Variants in TMEM114 observed in about 807,000 individuals in gnomAD.
TMEM114 encodes claudin-26.
Under a neutral mutation model 6.2 loss-of-function variants are expected in TMEM114, and 6 were observed. That is an observed-to-expected ratio of 0.97 (90% CI 0.53 to 1.91). The LOEUF (loss-of-function observed/expected upper bound fraction) is 1.91, where lower values mean the gene tolerates loss of function less well. Ranked by LOEUF, TMEM114 falls within the 40% of genes most tolerant of loss-of-function variation. The probability of loss-of-function intolerance (pLI) is 0.01; values close to 1 mark genes in which losing one functional copy is unlikely to be tolerated. For synonymous variants in TMEM114, 104 were observed against 73.0 expected (o/e 1.42, Z -2.16); for missense variants, 218 against 158.3 (o/e 1.38, Z -2.02).
the TMEM114 span, among the ~76,000 whole-genome samples, chr16:8,532,259 A>T: frequency 6.6e-6 from 1 of 152,226 alleles, no homozygotes; most frequent in East Asian, 1.9e-4. Context: ...CGTAACTCCT[A>T]GAGTCAAAAG....
intron 2 of TMEM114, among the ~76,000 whole-genome samples, chr16:8,572,699 G>A (rs1024845831): frequency 3.3e-5 from 5 of 152,224 alleles, no homozygotes; most frequent in African/African-American, 1.2e-4. Context: ...GCCTCCCAAA[G>A]TGCTGGCATT....
intron 2 of TMEM114, among the ~76,000 whole-genome samples, chr16:8,564,097 A>G (rs537189733): frequency 2.0e-5 from 3 of 149,974 alleles, no homozygotes; most frequent in Non-Finnish European, 4.4e-5. Flanking sequence ...GAGTGAGTGA[A>G]TGAGTGAGGA....
chr16:8,582,065 C>A (rs1902170647), intron 2 of TMEM114, among the ~76,000 whole-genome samples: 1 of 152,224 alleles, frequency 6.6e-6, no homozygotes, highest in Non-Finnish European at 1.5e-5. Flanking sequence ...TTGTCCATGT[C>A]ACTGCAACAG....
downstream of TMEM114, among the ~76,000 whole-genome samples, chr16:8,565,059 G>T (rs1388126875): frequency 6.6e-6 from 1 of 151,430 alleles, no homozygotes; most frequent in Non-Finnish European, 1.5e-5. Context: ...GTGAGTGAGT[G>T]AGTGAATGAG....
At chr16:8,528,581 G>A in the TMEM114 span, among the ~76,000 whole-genome samples, 1 of 152,172 alleles carries the variant, frequency 6.6e-6, no homozygotes, top group East Asian at 1.9e-4. Flanking sequence ...AGATCAGAGT[G>A]AATGACTCTC....
intron 2 of TMEM114, among the ~76,000 whole-genome samples, chr16:8,543,633 A>C (rs1220203541): frequency 6.6e-6 from 1 of 151,884 alleles, no homozygotes; most frequent in African/African-American, 2.4e-5. Context: ...TTCCTTTCTC[A>C]ATGACAGCCA....
intron 2 of TMEM114, among the ~76,000 whole-genome samples, chr16:8,538,727 C>T (rs961949782): frequency 6.6e-6 from 1 of 151,686 alleles, no homozygotes; most frequent in Non-Finnish European, 1.5e-5. Flanking sequence ...AGGATGGTGT[C>T]GATCTCCTGA....
Position 8,554,654 on chromosome 16 carries a change from G to C in TMEM114, n.213-16828C>G, listed in dbSNP as rs1900950800. Among the ~76,000 whole-genome samples the C allele has an allele frequency of 2.7e-5, 4 of 150,016 alleles. No individual in the cohort carries two copies. The South Asian group carries it at 8.7e-4, about 32-fold the overall frequency. On this transcript the variant is annotated intron_variant and non_coding_transcript_variant, in intron 2 of 2. Coordinates refer to the TMEM114 transcript ENST00000623677. ...ATTTGCTGAATGTAAGAATGATGGA[G>C]TTAATTAAGCCCAAGGAGTGAGGCC...
chr16:8,568,093 C>T (rs1490165096), downstream of TMEM114, among the ~76,000 whole-genome samples: 5 of 152,142 alleles, frequency 3.3e-5, no homozygotes, highest in Non-Finnish European at 5.9e-5. Context: ...CTCCCAGTTG[C>T]GTCCCTTTCT....
intron 2 of TMEM114, among the ~76,000 whole-genome samples, chr16:8,561,014 T>C (rs983671052): frequency 3.9e-5 from 6 of 152,182 alleles, no homozygotes; most frequent in African/African-American, 4.8e-5. Context: ...GAGGGAAACC[T>C]CTTAAAAACC....
intron 2 of TMEM114, among the ~76,000 whole-genome samples, chr16:8,548,863 G>C (rs936843352): frequency 2.6e-5 from 4 of 152,140 alleles, no homozygotes; most frequent in African/African-American, 9.7e-5. Context: ...GTGAGAGAGA[G>C]AGATCCAGTT....
intron 2 of TMEM114, among the ~76,000 whole-genome samples, chr16:8,555,937 G>C (rs1031102084): frequency 7.2e-5 from 11 of 152,160 alleles, no homozygotes; most frequent in African/African-American, 2.4e-4. Flanking sequence ...CTGCCTCTTG[G>C]ACGTGTCCAT....
In TMEM114 at chr16:8,569,649, A is replaced by G; in HGVS notation, c.*124T>C. 1 of 1,439,722 alleles carries G rather than the reference A, an allele frequency of 6.9e-7. No individual in the cohort carries two copies. Among genetic ancestry groups the G allele is most frequent in the East Asian group, 2.5e-5 (1 of 40,006 alleles). The allele number at this position is 1,439,722 out of a possible 1,614,324, so 89.2% of individuals were successfully genotyped here. On this transcript the variant is annotated 3_prime_UTR_variant, in exon 4 of 4. Transcript: ENST00000620492. The stretch of plus-strand genomic sequence containing the variant: ...TTAGTCCGCGGGGATTTGTGGGGGA[A>G]GGAGGGGGGTGCCTGGCCTCCCCGA...
At chr16:8,563,145 GTGAC>G (rs1334327609) in intron 2 of TMEM114, among the ~76,000 whole-genome samples, 5 of 22,878 alleles carry the variant, frequency 2.2e-4, no homozygotes, top group Admixed American at 1.4e-3. Flanking sequence ...GAGTAAATGA[GTGAC>G]TGAATGAGTG....
chr16:8,537,032 C>T (rs1168704143), downstream of TMEM114, among the ~76,000 whole-genome samples: 3 of 151,700 alleles, frequency 2.0e-5, no homozygotes, highest in Non-Finnish European at 4.4e-5. Flanking sequence ...AAGATGAAAC[C>T]CTATGTCTAC....
chr16:8,556,895 C>T (rs1402068687), intron 2 of TMEM114, among the ~76,000 whole-genome samples: 6 of 152,182 alleles, frequency 3.9e-5, no homozygotes, highest in Non-Finnish European at 7.3e-5. Flanking sequence ...CTCAATGCTC[C>T]TCCCTGTGGC....
intron 2 of TMEM114, among the ~76,000 whole-genome samples, chr16:8,549,309 G>T (rs532848565): frequency 6.6e-6 from 1 of 151,634 alleles, no homozygotes; most frequent in South Asian, 2.1e-4. Flanking sequence ...AGACCAGCCT[G>T]GCCAACATGA....
Position 8,590,081 on chromosome 16 carries a change from A to G in TMEM114, c.-243T>C, listed in dbSNP as rs2141630524. ...CGCCGTCCACGTTCCCACCCCTCCA[A>G]TGCCAGCTCTACCTGCAGACCCCCT... On this transcript the variant is annotated 5_prime_UTR_variant, in exon 1 of 4. Coordinates refer to ENST00000620492, the MANE Select transcript of TMEM114 (RefSeq NM_001146336.2). 1 of 360,842 alleles carries G rather than the reference A, an allele frequency of 2.8e-6. No homozygotes were observed. The highest frequency in any genetic ancestry group is 4.1e-5 in the East Asian group (1 of 24,398). The allele number at this position is 360,842 out of a possible 1,614,324, so 22.4% of individuals were successfully genotyped here.
intron 2 of TMEM114, among the ~76,000 whole-genome samples, chr16:8,556,972 T>A (rs1901032510): frequency 6.6e-6 from 1 of 152,094 alleles, no homozygotes; most frequent in Non-Finnish European, 1.5e-5. Context: ...AATAAATAGT[T>A]GGATTTTGCT....
Sources: allele counts gnomAD v4.1 joint callset (sites outside exome capture counted in the v4.1 genomes callset), GRCh38; gene constraint gnomAD v4.1.1; transcripts MANE v1.5; gene names NCBI Gene and HGNC (gene_info 2026-07-23, HGNC 2026-07-21).